COL5A1: variants seen among roughly 807,000 people sequenced by gnomAD.
COL5A1 encodes the protein collagen type V alpha 1 chain, also known as collagen alpha-1(V) chain.
A neutral mutation model predicts 263.7 loss-of-function variants in COL5A1; 16 were observed. The ratio of observed to expected loss-of-function variants is 0.06; its 90% confidence interval spans 0.04 to 0.09. The LOEUF (loss-of-function observed/expected upper bound fraction) is 0.09, where lower values mean the gene tolerates loss of function less well. COL5A1 is among the 10% of genes least tolerant of loss of function. COL5A1 has a pLI of 1.00. For missense variants in COL5A1, 2,036 were observed against 2,540.5 expected (o/e 0.80, Z 4.27); for synonymous variants, 1,012 against 1,004.5 (o/e 1.01, Z -0.14).
At chr9:134,727,537 T>C in intron 5 of COL5A1, 140 bp downstream of exon 5, 1 of 909,762 alleles carries the variant, frequency 1.1e-6, no homozygotes, top group South Asian at 1.4e-5. Flanking sequence ...GAGGTAAACA[T>C]TGGGATATCT....
At chr9:134,690,044 C>T (rs1030195183) in intron 1 of COL5A1, among the ~76,000 whole-genome samples, 13 of 152,166 alleles carry the variant, frequency 8.5e-5, no homozygotes, top group South Asian at 2.1e-4. Context: ...CAGATGGGGC[C>T]GTCTTTTGTG....
rs567249152 is a variant in COL5A1 at position 134,803,564 on chromosome 9, G to A, written c.3114+569G>A. Among the ~76,000 whole-genome samples the A allele has an allele frequency of 7.9e-5, 12 of 152,346 alleles. No individual in the cohort carries two copies. In the East Asian group the frequency reaches 2.3e-3, roughly 29 times the overall value. On this transcript the variant is annotated intron_variant, in intron 39 of 65. Transcript: ENST00000371817. ...GCAGGAGAATCGCTTGAACCCGGGAGGCGGAGGTTGCAGTGTGCCAAGATC... is the reference window on the plus strand; with the variant it reads ...GCAGGAGAATCGCTTGAACCCGGGAAGCGGAGGTTGCAGTGTGCCAAGATC...
At chr9:134,806,457 G>T (rs892362409) in intron 42 of COL5A1, among the ~76,000 whole-genome samples, 161 bp downstream of exon 42, 5 of 152,146 alleles carry the variant, frequency 3.3e-5, no homozygotes, top group African/African-American at 1.2e-4. Context: ...TGTGTCCCAT[G>T]GGAACCTGGT....
chr9:134,739,336 C>T (rs980821246), intron 11 of COL5A1, among the ~76,000 whole-genome samples: 1 of 152,216 alleles, frequency 6.6e-6, no homozygotes, highest in Admixed American at 6.5e-5. Flanking sequence ...CCAAGTACTG[C>T]GGCCTCCTGG....
rs186531788 is a variant in COL5A1, at chr9:134,704,026, G to A, written c.654+2693G>A. ...TAGTGTGTTCTGTTGTAAAGATTCA[G>A]GAAAAAGCTTTATTTTATCTTTAAA... On this transcript the variant is annotated intron_variant, in intron 4 of 65. Transcript: ENST00000371817. Among the ~76,000 whole-genome samples the A allele has an allele frequency of 4.7e-4, 72 of 152,176 alleles. 1 individual carries two copies. Among genetic ancestry groups the A allele is most frequent in the African/African-American group, 1.7e-3 (72 of 41,496 alleles).
At chr9:134,707,068 G>A (rs147610879) in intron 4 of COL5A1, among the ~76,000 whole-genome samples, 1,811 of 152,276 alleles carry the variant, frequency 0.012, 17 homozygotes, top group South Asian at 0.022. Flanking sequence ...GCTGGGAGGC[G>A]GGACTAAGAG....
At position 134,767,493 on chromosome 9, in the gene COL5A1, G is replaced by A. The variant is rs993574452; in HGVS notation, c.2232+139G>A. On this transcript the variant is annotated intron_variant, in intron 24 of 65. Transcript: ENST00000371817. ...CCCAAGAGACGCCAAAGCTCAGAGT[G>A]CCAAGAACTGGGCCAGAAGCATGAG... 3 of 767,166 alleles carry A rather than the reference G, an allele frequency of 3.9e-6. No individual in the cohort carries two copies. The East Asian group carries it at 8.0e-5, about 20-fold the overall frequency. 47.5% of individuals were successfully genotyped at this position (767,166 alleles called of 1,614,324 possible). A position where few individuals can be genotyped will look rare whatever the true frequency, so the allele number is the denominator to read the frequency against.
intron 11 of COL5A1, among the ~76,000 whole-genome samples, chr9:134,748,407 ACACATACATG>A (rs1323104902): frequency 6.6e-6 from 1 of 152,232 alleles, no homozygotes; most frequent in East Asian, 1.9e-4. Flanking sequence ...ACTTACATCC[ACACATACATG>A]CACACACACT....
chr9:134,662,531 G>T (rs985115583), intron 1 of COL5A1, among the ~76,000 whole-genome samples: 2 of 152,256 alleles, frequency 1.3e-5, no homozygotes, highest in African/African-American at 4.8e-5. Flanking sequence ...TGCCTGCCAA[G>T]GACTTTGAAT....
rs1231100434 is a variant in COL5A1 at position 134,682,559 on chromosome 9, G to T, written c.110-8353G>T. On this transcript the variant is annotated intron_variant, in intron 1 of 65. Coordinates refer to ENST00000371817, the MANE Select transcript of COL5A1 (RefSeq NM_000093.5). The surrounding 1 kb of genome is among the most constrained non-coding windows in gnomAD (Gnocchi z 5.1). ...ATCCTACCACACTGCCTGGTGGGGT[G>T]GGGGAGAGCCTGCTGCCCAGGAAGG... is the stretch of plus-strand genomic sequence containing the variant. Among the ~76,000 whole-genome samples, 1 of 152,224 alleles carries T rather than the reference G, an allele frequency of 6.6e-6. No homozygotes were observed. The highest frequency in any genetic ancestry group is 1.5e-5 in the Non-Finnish European group (1 of 68,046).
In COL5A1 at chr9:134,803,798, G is replaced by A. The variant is rs942474353; in HGVS notation, c.3114+803G>A. On this transcript the variant is annotated intron_variant, in intron 39 of 65. Coordinates refer to ENST00000371817, the MANE Select transcript of COL5A1 (RefSeq NM_000093.5). Reference sequence around the variant, plus strand: ...GCGGAGCTTGCAGTGAGCCGAGATCGCGCCACTGCACTCCAGCCTGGGCGA... The same window carrying A: ...GCGGAGCTTGCAGTGAGCCGAGATCACGCCACTGCACTCCAGCCTGGGCGA... Among the ~76,000 whole-genome samples, 8 of 152,004 alleles carry A rather than the reference G, an allele frequency of 5.3e-5. No homozygotes were observed. The East Asian group carries it at 5.8e-4, about 11-fold the overall frequency.
chr9:134,694,895 C>T (rs558205257), intron 2 of COL5A1, among the ~76,000 whole-genome samples: 15 of 152,198 alleles, frequency 9.9e-5, no homozygotes, highest in East Asian at 1.9e-4. Flanking sequence ...CCTCACCAGG[C>T]GGCCCGAGCT....
At position 134,678,038 on chromosome 9, in the gene COL5A1, C is replaced by T. The variant is rs765114839; in HGVS notation, c.110-12874C>T. Among the ~76,000 whole-genome samples the T allele has an allele frequency of 5.3e-5, 8 of 152,272 alleles. No individual in the cohort carries two copies. Among genetic ancestry groups the T allele is most frequent in the Admixed American group, 2.6e-4 (4 of 15,292 alleles). Reference sequence around the variant, plus strand: ...TTCCGCTCTTCCTCGGATTGAGCCTCGCTCTGCCCTCATCATGGCCCCAGT... The same window carrying T: ...TTCCGCTCTTCCTCGGATTGAGCCTTGCTCTGCCCTCATCATGGCCCCAGT... On this transcript the variant is annotated intron_variant, in intron 1 of 65. Coordinates refer to ENST00000371817, the MANE Select transcript of COL5A1 (RefSeq NM_000093.5). The surrounding 1 kb of genome is among the most constrained non-coding windows in gnomAD (Gnocchi z 5.5).
chr9:134,699,145 G>A lies in COL5A1; in HGVS notation c.278-764G>A, dbSNP rs142867396. Among the ~76,000 whole-genome samples, 43 of 152,290 alleles carry A rather than the reference G, an allele frequency of 2.8e-4. No homozygotes were observed. In the East Asian group the frequency reaches 7.7e-3, roughly 27 times the overall value. On this transcript the variant is annotated intron_variant, in intron 2 of 65. Transcript: ENST00000371817. Reference sequence around the variant, plus strand: ...CCAGGATCGATGGACAGGAGGGGCTGGGGCTCCCGGTCATGCCCACGGATG... The same window carrying A: ...CCAGGATCGATGGACAGGAGGGGCTAGGGCTCCCGGTCATGCCCACGGATG...
intron 1 of COL5A1, among the ~76,000 whole-genome samples, chr9:134,667,196 T>C (rs1832385919): frequency 1.3e-5 from 2 of 152,182 alleles, no homozygotes; most frequent in African/African-American, 4.8e-5. Context: ...GCCTGTCCTG[T>C]TATTTGATGT....
In COL5A1 at chr9:134,796,758, G is replaced by A. The variant is rs140168393; in HGVS notation, c.2845-90G>A. ...GGGGGTGGGAAGAAATGACACCTGC[G>A]TTCAGAGAGCCACCGGCACAGGCAG... On this transcript the variant is annotated intron_variant, in intron 35 of 65. Transcript: ENST00000371817. 1,605 of 1,213,250 alleles carry A rather than the reference G, an allele frequency of 1.3e-3. 16 individuals carry two copies. In the African/African-American group the frequency reaches 0.019, roughly 15 times the overall value. 75.2% of individuals were successfully genotyped at this position (1,213,250 alleles called of 1,614,324 possible). A position where few individuals can be genotyped will look rare whatever the true frequency, so the allele number is the denominator to read the frequency against.
chr9:134,760,348 C>T (rs2132710475), intron 18 of COL5A1, among the ~76,000 whole-genome samples: 1 of 105,040 alleles, frequency 9.5e-6, no homozygotes, highest in East Asian at 3.5e-4. Flanking sequence ...CACACCCCCA[C>T]ACACCCCCAC....
chr9:134,756,915 G>T, intron 17 of COL5A1, 97 bp downstream of exon 17: 2 of 1,209,766 alleles, frequency 1.7e-6, no homozygotes, highest in Non-Finnish European at 2.5e-6. Context: ...TGATGACTAC[G>T]ATTATGATGA....
chr9:134,738,647 C>A, intron 10 of COL5A1, 99 bp from the exon 11 acceptor site: 1 of 1,508,886 alleles, frequency 6.6e-7, no homozygotes, highest in Non-Finnish European at 9.2e-7. Context: ...GGAGCCGGCG[C>A]TATCCCACCC....
Sources: gnomAD v4.1 joint callset for allele counts (sites outside exome capture counted in the v4.1 genomes callset) on GRCh38, gnomAD v4.1.1 for gene constraint, Gnocchi (gnomAD v3.1) non-coding constraint, MANE v1.5 for transcripts, NCBI Gene and HGNC (gene_info 2026-07-23, HGNC 2026-07-21) for gene names.